Variants in ITPR2 observed in about 807,000 individuals in gnomAD.
ITPR2 encodes inositol 1,4,5-trisphosphate-gated calcium channel ITPR2.
ITPR2 carries 207 observed loss-of-function variants against 317.1 expected under a neutral mutation model. The ratio of observed to expected loss-of-function variants is 0.65; its 90% CI spans 0.58 to 0.73. The LOEUF (loss-of-function observed/expected upper bound fraction) is 0.73, where lower values mean the gene tolerates loss of function less well. Among genes scored for constraint, ITPR2 ranks in the 30% least tolerant of loss-of-function variants. The pLI is 0.00. For missense variants in ITPR2, 2,613 were observed against 3,284.0 expected (o/e 0.80, Z 4.99); for synonymous variants, 1,156 against 1,149.1 (o/e 1.01, Z -0.12).
At chr12:26,592,193 A>T (rs574962721) in intron 32 of ITPR2, among the ~76,000 whole-genome samples, 1 of 152,300 alleles carries the variant, frequency 6.6e-6, no homozygotes, top group South Asian at 2.1e-4. Context: ...GTGGGCACTA[A>T]AAAAATTGCA....
chr12:26,827,277 A>G (rs1467237822), intron 1 of ITPR2, among the ~76,000 whole-genome samples: 1 of 95,058 alleles, frequency 1.1e-5, no homozygotes, highest in Non-Finnish European at 2.8e-5. Context: ...CGGAGAAAAG[A>G]ACAATAAACT....
At position 26,831,494 on chromosome 12, in the gene ITPR2, A is replaced by G. The variant is rs1951099211; in HGVS notation, c.92+1196T>C. 6.6e-6 allele frequency among the ~76,000 whole-genome samples: 1 copy of G among 152,010 alleles called. No homozygotes were observed. The highest frequency in any genetic ancestry group is 2.1e-4 in the South Asian group (1 of 4,822). On this transcript the variant is annotated intron_variant, in intron 1 of 56. Coordinates refer to ENST00000381340, the MANE Select transcript of ITPR2 (RefSeq NM_002223.4). This position sits in a 1 kb window ranked among gnomAD's most constrained non-coding sequence, Gnocchi z 4.9. ...ACAGTAGCCAGACAGGAGTGGAAAC[A>G]CCAGTTCCACAGCCTGAAATGTAGG... is the stretch of plus-strand genomic sequence containing the variant.
Position 26,589,739 on chromosome 12 carries a change from A to G in ITPR2, c.4380+5726T>C, listed in dbSNP as rs376228523. Among the ~76,000 whole-genome samples the G allele has an allele frequency of 1.2e-4, 17 of 146,050 alleles. No individual in the cohort carries two copies. The East Asian group carries it at 3.1e-3, about 27-fold the overall frequency. On this transcript the variant is annotated intron_variant, in intron 32 of 56. Coordinates refer to ENST00000381340, the MANE Select transcript of ITPR2 (RefSeq NM_002223.4). ...AAGACAGAGGTTGCAGTGAGCCAAG[A>G]TCGCCCCACTGCACTCCAGCCTGAG...
chr12:26,772,503 GTAT>G (rs1949880357), intron 2 of ITPR2, among the ~76,000 whole-genome samples: 1 of 100,016 alleles, frequency 1.0e-5, no homozygotes, highest in Non-Finnish European at 2.3e-5. Context: ...TATAATACAT[GTAT>G]TATATATAAT....
At chr12:26,620,419 T>C (rs1456855508) in intron 26 of ITPR2, among the ~76,000 whole-genome samples, 2 of 152,252 alleles carry the variant, frequency 1.3e-5, no homozygotes, top group Non-Finnish European at 2.9e-5. Flanking sequence ...ACGGCTTATA[T>C]GCCTGCAGAT....
chr12:26,518,661 C>T (rs1192083759), intron 37 of ITPR2, among the ~76,000 whole-genome samples: 1 of 151,700 alleles, frequency 6.6e-6, no homozygotes, highest in Non-Finnish European at 1.5e-5. Flanking sequence ...AATTTTAAAC[C>T]AACTCATTAA....
chr12:26,364,816 T>C (rs1241380246), intron 55 of ITPR2, among the ~76,000 whole-genome samples: 3 of 152,190 alleles, frequency 2.0e-5, no homozygotes, highest in Non-Finnish European at 4.4e-5. Context: ...AGTGTGTTAC[T>C]ACCCCCAATT....
chr12:26,711,052 G>A (rs888150601), intron 9 of ITPR2, 121 bp downstream of exon 9: 42 of 641,538 alleles, frequency 6.5e-5, no homozygotes, highest in Admixed American at 2.0e-4. Flanking sequence ...GAATACTAGA[G>A]GCAACAATCA....
chr12:26,782,958 G>C (rs10842791), intron 2 of ITPR2, among the ~76,000 whole-genome samples: 152,348 of 152,356 alleles, frequency 1, 76,170 homozygotes, highest in Middle Eastern at 1. Context: ...ATGTTCGACT[G>C]CATAAAAAGT....
chr12:26,479,673 T>C (rs924554365), intron 43 of ITPR2, among the ~76,000 whole-genome samples: 6 of 152,198 alleles, frequency 3.9e-5, no homozygotes, highest in African/African-American at 1.4e-4. Flanking sequence ...GGGGCACAAG[T>C]ACATCTATGT....
chr12:26,778,851 A>T (rs985782037), intron 2 of ITPR2, among the ~76,000 whole-genome samples: 5 of 152,304 alleles, frequency 3.3e-5, no homozygotes, highest in African/African-American at 1.2e-4. Flanking sequence ...CTAGAGGTCC[A>T]GTGGTGTGGG....
At chr12:26,645,970 CT>C (rs777192053) in intron 21 of ITPR2, among the ~76,000 whole-genome samples, 319 of 118,990 alleles carry the variant, frequency 2.7e-3, no homozygotes, top group African/African-American at 7.5e-3. Flanking sequence ...TCTTTCTTTC[CT>C]TTTTTTTTTT....
chr12:26,681,512 C>G (rs1250965434), intron 13 of ITPR2, among the ~76,000 whole-genome samples: 1 of 151,968 alleles, frequency 6.6e-6, no homozygotes, highest in African/African-American at 2.4e-5. Flanking sequence ...TAAATAAGAT[C>G]AGAGAAACAC....
intron 2 of ITPR2, among the ~76,000 whole-genome samples, chr12:26,777,114 A>T (rs1188961598): frequency 2.0e-5 from 3 of 152,230 alleles, no homozygotes; most frequent in Non-Finnish European, 4.4e-5. Context: ...AGAGAGTTAA[A>T]AAAAGGTTCA....
chr12:26,406,736 C>A (rs997113019), intron 52 of ITPR2: 1 of 152,164 alleles, frequency 6.6e-6, no homozygotes, highest in Non-Finnish European at 1.5e-5. Context: ...GTGACACATG[C>A]TGCACAACAA....
At position 26,657,713 on chromosome 12, in the gene ITPR2, T is replaced by G; in HGVS notation, c.2186A>C (p.Tyr729Ser). Residue 729 changes from tyrosine to serine, a missense_variant, in exon 18 of 57, where the codon TAT becomes TCT. Physicochemically the swap from Tyr to Ser is moderately radical, Grantham distance 144. Around this residue, in one of 9 missense-constraint regions of ITPR2, gnomAD observed 817 missense variants for 897.6 expected, o/e 0.91. Transcript: ENST00000381340. ...GTKADLEVLT[Y>S]YRYQLNLFAR... ...ATTGTCTATAATACTTAACCTGTAA[T>G]AGGTAAGAACTTCTAAGTCAGCTTT... 1.2e-6 allele frequency: 2 copies of G among 1,613,444 alleles called. No homozygotes were observed. Among genetic ancestry groups the G allele is most frequent in the Non-Finnish European group, 1.7e-6 (2 of 1,179,446 alleles).
chr12:26,685,009 C>T (rs1428335807), intron 11 of ITPR2, among the ~76,000 whole-genome samples: 4 of 152,096 alleles, frequency 2.6e-5, no homozygotes, highest in African/African-American at 9.7e-5. Flanking sequence ...ATGAGAATAG[C>T]CATAAAACAC....
At chr12:26,605,731 T>C (rs1460535454) in intron 26 of ITPR2, among the ~76,000 whole-genome samples, 1 of 152,160 alleles carries the variant, frequency 6.6e-6, no homozygotes, top group Non-Finnish European at 1.5e-5. Context: ...ACTCTGTATG[T>C]GTGGGAATTG....
At chr12:26,400,294 A>G in intron 52 of ITPR2, 36 bp from the exon 53 acceptor site, 1 of 1,236,738 alleles carries the variant, frequency 8.1e-7, no homozygotes, top group Non-Finnish European at 1.1e-6. Flanking sequence ...ATATAAAATT[A>G]TGTAAAAATA....
Sources: allele counts gnomAD v4.1 joint callset (sites outside exome capture counted in the v4.1 genomes callset), GRCh38; gene constraint gnomAD v4.1.1; regional missense constraint gnomAD v4.1.1; non-coding constraint Gnocchi (gnomAD v3.1); transcripts MANE v1.5; gene names NCBI Gene and HGNC (gene_info 2026-07-23, HGNC 2026-07-21).